Variants in UBAC1 observed in about 807,000 individuals in gnomAD.
UBAC1 encodes the protein ubiquitin-associated domain-containing protein 1.
Under a neutral mutation model 45.9 loss-of-function variants are expected in UBAC1, and 27 were observed. That is an observed-to-expected ratio of 0.59 (90% CI 0.43 to 0.81). UBAC1 has a LOEUF of 0.81. Among genes scored for constraint, UBAC1 ranks in the 30% least tolerant of loss-of-function variants. UBAC1 has a pLI of 0.00. For synonymous variants in UBAC1, 227 were observed against 215.5 expected (o/e 1.05, Z -0.47); for missense variants, 529 against 539.2 (o/e 0.98, Z 0.19).
chr9:135,958,030 G>T (rs376816656), intron 1 of UBAC1, among the ~76,000 whole-genome samples: 1 of 144,488 alleles, frequency 6.9e-6, no homozygotes, highest in African/African-American at 2.6e-5. Flanking sequence ...AAACTCTACT[G>T]CACCACAGGT....
chr9:135,933,638 C>A, intron 9 of UBAC1, 123 bp from the exon 10 acceptor site: 1 of 697,370 alleles, frequency 1.4e-6, no homozygotes, highest in Non-Finnish European at 2.6e-6. Context: ...AAAGGCCACA[C>A]AGAGCTCACT....
intron 3 of UBAC1, among the ~76,000 whole-genome samples, chr9:135,952,883 T>C (rs772412160): frequency 1.6e-4 from 25 of 152,226 alleles, no homozygotes; most frequent in Admixed American, 2.6e-4. Flanking sequence ...GATTTTCCGA[T>C]GGGGATGCTG....
At chr9:135,938,450 T>C (rs1839225646) in intron 8 of UBAC1, 90 bp from the exon 9 acceptor site, 2 of 1,488,018 alleles carry the variant, frequency 1.3e-6, no homozygotes, top group African/African-American at 2.8e-5. Flanking sequence ...CTCCTGCACC[T>C]TTCTGTGAGT....
intron 1 of UBAC1, among the ~76,000 whole-genome samples, chr9:135,957,313 C>A (rs1368040926): frequency 6.6e-6 from 1 of 152,168 alleles, no homozygotes; most frequent in Non-Finnish European, 1.5e-5. Flanking sequence ...CTGGATTTGA[C>A]AATGGCTCTG....
Position 135,961,031 on chromosome 9 carries a change from G to A in UBAC1, c.132C>T (p.Leu44=), listed in dbSNP as rs781189264. 1 of 1,563,346 alleles carries A rather than the reference G, an allele frequency of 6.4e-7. No homozygotes were observed. Among genetic ancestry groups the A allele is most frequent in the Non-Finnish European group, 8.6e-7 (1 of 1,160,304 alleles). ...TSVEKLKERC[L]KHCAHGSLED... The stretch of plus-strand genomic sequence containing the variant: ...GGAGGGGGCCCGGCCTTACGTGCTT[G>A]AGGCAGCGCTCCTTGAGCTTCTCCA... Residue 44 remains leucine, a synonymous_variant, in exon 1 of 10, where the codon CTC becomes CTT. Transcript: ENST00000371756.
Position 135,955,342 on chromosome 9 carries a change from AC to A in UBAC1, c.211del (p.Val71CysfsTer2). 6.2e-7 allele frequency: 1 copy of A among 1,607,314 alleles called. No individual in the cohort carries two copies. The highest frequency in any genetic ancestry group is 8.5e-7 in the Non-Finnish European group (1 of 1,178,222). ...CAGGATGGTCCTGGCATCACTCAGC[AC>A]CCTCTCTGAGGCAGCGTGGATTAAT... ...HKLIHAASER[V>X]LSDARTILEE... On this transcript the variant is annotated frameshift_variant, in exon 2 of 10. Coordinates refer to ENST00000371756, the MANE Select transcript of UBAC1 (RefSeq NM_016172.3). LOFTEE classifies it high-confidence loss of function.
At chr9:135,940,579 CAAA>C (rs530657427) in intron 7 of UBAC1, among the ~76,000 whole-genome samples, 1 of 70,238 alleles carries the variant, frequency 1.4e-5, no homozygotes, top group African/African-American at 5.5e-5. Context: ...GACTCCATCT[CAAA>C]AAAAAAAAAA....
At chr9:135,943,711 G>A (rs969024270) in intron 7 of UBAC1, among the ~76,000 whole-genome samples, 2 of 152,176 alleles carry the variant, frequency 1.3e-5, no homozygotes, top group Admixed American at 6.5e-5. Context: ...CAACTCAAAT[G>A]CCCACGGATA....
chr9:135,959,618 C>A (rs1398990485), intron 1 of UBAC1, among the ~76,000 whole-genome samples: 1 of 152,046 alleles, frequency 6.6e-6, no homozygotes, highest in African/African-American at 2.4e-5. Context: ...CATAATCCGC[C>A]CACCTCGGCC....
intron 9 of UBAC1, among the ~76,000 whole-genome samples, chr9:135,935,957 C>T (rs1288309141): frequency 6.8e-6 from 1 of 147,368 alleles, no homozygotes; most frequent in African/African-American, 2.5e-5. Flanking sequence ...ACCCGGTAGG[C>T]GGAGCTTGCA....
In UBAC1 at chr9:135,947,924, AG is replaced by A; in HGVS notation, c.334-20del. 1.2e-6 allele frequency: 2 copies of A among 1,608,576 alleles called. No individual in the cohort carries two copies. Among genetic ancestry groups the A allele is most frequent in the East Asian group, 2.2e-5 (1 of 44,788 alleles). The stretch of plus-strand genomic sequence containing the variant: ...GTTTTTTCTACACAGAAACGTAATC[AG>A]AAAGTCTGAGGTGAACGTAAGAGCA... On this transcript the variant is annotated intron_variant, in intron 3 of 9. Coordinates refer to ENST00000371756, the MANE Select transcript of UBAC1 (RefSeq NM_016172.3).
At position 135,954,431 on chromosome 9, in the gene UBAC1, G is replaced by A. The variant is rs144794237; in HGVS notation, c.260-678C>T. Among the ~76,000 whole-genome samples, 459 of 152,276 alleles carry A rather than the reference G, an allele frequency of 3.0e-3. 3 individuals are homozygous for A. The highest frequency in any genetic ancestry group is 9.9e-3 in the African/African-American group (413 of 41,566). On this transcript the variant is annotated intron_variant, in intron 2 of 9. Transcript: ENST00000371756. ...TGCACTCCAGCCTGGGTGACTGAGC[G>A]ACACCCTGTCTCAAAAGAGCATGGG...
rs554837259 is a variant in UBAC1 at position 135,946,169 on chromosome 9, G to A, written c.544+100C>T. ...AGGCCCTCATCAGCGCTTCCATAAA[G>A]CACTGAGGTTCCGGTCAGTGGTCAG... On this transcript the variant is annotated intron_variant, in intron 5 of 9. Transcript: ENST00000371756. 9.4e-5 allele frequency: 101 copies of A among 1,074,068 alleles called. No individual in the cohort carries two copies. In the African/African-American group the frequency reaches 1.5e-3, roughly 15 times the overall value. The allele number at this position is 1,074,068 out of a possible 1,614,324, so 66.5% of individuals were successfully genotyped here. A position where few individuals can be genotyped will look rare whatever the true frequency, so the allele number is the denominator to read the frequency against.
Position 135,948,047 on chromosome 9 carries a change from G to A in UBAC1, c.334-142C>T. On this transcript the variant is annotated intron_variant, in intron 3 of 9. Coordinates refer to ENST00000371756, the MANE Select transcript of UBAC1 (RefSeq NM_016172.3). ...GGTGTAAACTCCTTGATGAGCTGGG[G>A]GAGCCTGGAGAGTTCTGTGCAAGGC... The A allele has an allele frequency of 4.3e-6, 3 of 696,218 alleles. No homozygotes were observed. The South Asian group carries it at 5.7e-5, about 13-fold the overall frequency. The allele number at this position is 696,218 out of a possible 1,614,324, so 43.1% of individuals were successfully genotyped here. A position where few individuals can be genotyped will look rare whatever the true frequency, so the allele number is the denominator to read the frequency against.
At chr9:135,936,781 C>A (rs1260754096) in intron 9 of UBAC1, among the ~76,000 whole-genome samples, 1 of 152,146 alleles carries the variant, frequency 6.6e-6, no homozygotes, top group Non-Finnish European at 1.5e-5. Context: ...GCGTGAGCCA[C>A]CACGCCCAGC....
chr9:135,938,311 T>C lies in UBAC1; in HGVS notation c.1013A>G (p.Lys338Arg). The C allele has an allele frequency of 6.2e-7, 1 of 1,614,102 alleles. No homozygotes were observed. The highest frequency in any genetic ancestry group is 8.5e-7 in the Non-Finnish European group (1 of 1,180,024). The part of the protein sequence containing the change: ...DRKPSPEELD[K>R]GIDPDSPLFQ... ...GAGAGGACTGTCGGGGTCGATGCCC[T>C]TGTCCAGCTCCTCCGGAGAGGGCTT... Residue 338 changes from lysine (K) to arginine (R), a missense_variant, in exon 9 of 10, where the codon AAG becomes AGG. By Grantham distance (26) the Lys-to-Arg change is conservative. Transcript: ENST00000371756.
At position 135,945,889 on chromosome 9, in the gene UBAC1, T is replaced by C; in HGVS notation, c.653A>G (p.His218Arg). 6.2e-7 allele frequency: 1 copy of C among 1,613,932 alleles called. No homozygotes were observed. Among genetic ancestry groups the C allele is most frequent in the Non-Finnish European group, 8.5e-7 (1 of 1,179,916 alleles). The change falls in exon 6 of 10, where the codon CAC becomes CGC. Residue 218 changes from histidine (H) to arginine (R), a missense_variant and splice_region_variant. By Grantham distance (29) the His-to-Arg change is conservative (BLOSUM62 0). Transcript: ENST00000371756. ...GGGAAGGAGGTGGCCCCCCACGCACTGGTTCAGCTGAAGGGCCTTGGTGGC... is the reference window on the plus strand; with the variant it reads ...GGGAAGGAGGTGGCCCCCCACGCACCGGTTCAGCTGAAGGGCCTTGGTGGC... ...NRATKALQLN[H>R]MSVPQAMEWL...
Position 135,945,206 on chromosome 9 carries a change from T to G in UBAC1, c.698A>C (p.Glu233Ala). 1.2e-6 allele frequency: 2 copies of G among 1,608,876 alleles called. No individual in the cohort carries two copies. The highest frequency in any genetic ancestry group is 1.7e-6 in the Non-Finnish European group (2 of 1,177,520). ...QAMEWLIEHAEDPTIDTPLPG... is the reference protein window; with the variant it reads ...QAMEWLIEHAADPTIDTPLPG... Reference sequence around the variant, plus strand: ...AAGAGGCGTGTCTATGGTCGGGTCTTCTGCGTGTTCAATTAGCCACTCCAT... The same window carrying G: ...AAGAGGCGTGTCTATGGTCGGGTCTGCTGCGTGTTCAATTAGCCACTCCAT... The change falls in exon 7 of 10, where the codon GAA becomes GCA. Residue 233 changes from glutamate (E) to alanine (A), a missense_variant. By Grantham distance (107) the Glu-to-Ala change is moderately radical. Transcript: ENST00000371756.
intron 1 of UBAC1, among the ~76,000 whole-genome samples, chr9:135,960,772 C>A (rs1839524171): frequency 1.3e-5 from 2 of 152,184 alleles, no homozygotes; most frequent in Admixed American, 6.5e-5. Context: ...TGGCACGGGG[C>A]GAGCGCTTAG....
Sources: allele counts gnomAD v4.1 joint callset (sites outside exome capture counted in the v4.1 genomes callset), GRCh38; gene constraint gnomAD v4.1.1; transcripts MANE v1.5; gene names NCBI Gene and HGNC (gene_info 2026-07-23, HGNC 2026-07-21).